The following GRM7 variants were observed in gnomAD, a reference collection of about 807,000 sequenced individuals.
GRM7 encodes metabotropic glutamate receptor 7.
Under a neutral mutation model 84.5 loss-of-function variants are expected in GRM7, and 35 were observed. The ratio of observed to expected loss-of-function variants is 0.41; its 90% confidence interval spans 0.32 to 0.55. GRM7 has a LOEUF of 0.55. Among genes scored for constraint, GRM7 ranks in the 20% least tolerant of loss-of-function variants. The probability of loss-of-function intolerance (pLI) is 0.19; values close to 1 mark genes in which losing one functional copy is unlikely to be tolerated. For synonymous variants in GRM7, 487 were observed against 455.1 expected (o/e 1.07, Z -0.89); for missense variants, 1,003 against 1,194.6 (o/e 0.84, Z 2.36).
At chr3:7,673,752 C>T (rs1700024237) in intron 8 of GRM7, among the ~76,000 whole-genome samples, 1 of 152,178 alleles carries the variant, frequency 6.6e-6, no homozygotes, top group South Asian at 2.1e-4. Context: ...TGTGAGTGTG[C>T]ATTTTGTGTA....
At chr3:7,192,583 A>C (rs1179970011) in intron 2 of GRM7, among the ~76,000 whole-genome samples, 1 of 152,136 alleles carries the variant, frequency 6.6e-6, no homozygotes, top group South Asian at 2.1e-4. Flanking sequence ...CTGAGGAAGA[A>C]GTTGTGCCTA....
In GRM7 at chr3:6,862,541, T is replaced by G. The variant is rs1405279459; in HGVS notation, c.519+634T>G. ...GGACCTTCCTCAGGTGGAGAGATGC[T>G]GCCCGCAGACGTGACCCCCGGTTGG... On this transcript the variant is annotated intron_variant, in intron 1 of 9. Coordinates refer to ENST00000357716, the MANE Select transcript of GRM7 (RefSeq NM_000844.4). This position sits in a 1 kb window ranked among gnomAD's most constrained non-coding sequence, Gnocchi z 5.2. Among the ~76,000 whole-genome samples the G allele has an allele frequency of 6.6e-6, 1 of 152,188 alleles. No homozygotes were observed. Among genetic ancestry groups the G allele is most frequent in the East Asian group, 1.9e-4 (1 of 5,164 alleles).
intron 1 of GRM7, among the ~76,000 whole-genome samples, chr3:7,132,292 T>C (rs995255287): frequency 1.3e-5 from 2 of 152,204 alleles, no homozygotes; most frequent in Non-Finnish European, 2.9e-5. Context: ...TTATATTCCT[T>C]ACTTGGTATG....
intron 4 of GRM7, among the ~76,000 whole-genome samples, chr3:7,406,649 T>C (rs2125167125): frequency 6.6e-6 from 1 of 152,336 alleles, no homozygotes; most frequent in African/African-American, 2.4e-5. Context: ...ATGGGGCATT[T>C]TAAATCAAAG....
rs375850002 is a variant in GRM7 at position 7,705,842 on chromosome 3, T to A, written c.2698+25547T>A. 8.5e-4 allele frequency among the ~76,000 whole-genome samples: 129 copies of A among 152,266 alleles called. No individual in the cohort carries two copies. The South Asian group carries it at 0.025, about 30-fold the overall frequency. ...TTATTCTAAGAGCATTGGGAGGACA[T>A]TTAAGAGTTTTAATCACAGAAGGTA... On this transcript the variant is annotated intron_variant, in intron 9 of 9. Transcript: ENST00000357716.
intron 7 of GRM7, among the ~76,000 whole-genome samples, chr3:7,485,797 G>A (rs1247603820): frequency 6.6e-6 from 1 of 152,162 alleles, no homozygotes; most frequent in Non-Finnish European, 1.5e-5. Context: ...CAAACCAAGA[G>A]AATCGCTGAT....
At chr3:6,997,627 C>A (rs1300106685) in intron 1 of GRM7, among the ~76,000 whole-genome samples, 1 of 152,158 alleles carries the variant, frequency 6.6e-6, no homozygotes, top group Non-Finnish European at 1.5e-5. Flanking sequence ...AACTACAATT[C>A]AAGATGAGAG....
At chr3:6,926,677 C>G (rs570291972) in intron 1 of GRM7, among the ~76,000 whole-genome samples, 1 of 152,174 alleles carries the variant, frequency 6.6e-6, no homozygotes, top group African/African-American at 2.4e-5. Context: ...TTAGCTTGGC[C>G]TGTTTCTTGC....
chr3:6,953,492 A>G (rs969080893), intron 1 of GRM7, among the ~76,000 whole-genome samples: 2 of 152,158 alleles, frequency 1.3e-5, no homozygotes, highest in African/African-American at 4.8e-5. Context: ...TCTAAAATAT[A>G]TGCTTCATTT....
At chr3:6,934,571 G>A (rs1216104239) in intron 1 of GRM7, among the ~76,000 whole-genome samples, 1 of 152,140 alleles carries the variant, frequency 6.6e-6, no homozygotes, top group Non-Finnish European at 1.5e-5. Context: ...ATCTATAGGA[G>A]GGTATAACTG....
At chr3:7,200,037 G>A (rs77297270) in intron 2 of GRM7, among the ~76,000 whole-genome samples, 1,603 of 152,298 alleles carry the variant, frequency 0.011, 27 homozygotes, top group African/African-American at 0.037. Flanking sequence ...CACATGCTGG[G>A]TCATAACATG....
intron 1 of GRM7, among the ~76,000 whole-genome samples, chr3:7,076,494 C>T (rs960548347): frequency 3.9e-5 from 6 of 152,146 alleles, no homozygotes; most frequent in Non-Finnish European, 8.8e-5. Context: ...ATGTAAGATG[C>T]ACTTGCTTCC....
chr3:7,490,984 TA>T (rs1575411805), intron 7 of GRM7, among the ~76,000 whole-genome samples: 1 of 151,972 alleles, frequency 6.6e-6, no homozygotes, highest in East Asian at 1.9e-4. Context: ...TGAAAATAAT[TA>T]AAATATTTTA....
At chr3:7,554,386 T>C (rs888204427) in intron 7 of GRM7, among the ~76,000 whole-genome samples, 2 of 152,186 alleles carry the variant, frequency 1.3e-5, no homozygotes, top group Admixed American at 6.5e-5. Context: ...CAGGCTGGAC[T>C]CTTGCTAGTC....
At chr3:7,620,064 C>T (rs1697284024) in intron 8 of GRM7, among the ~76,000 whole-genome samples, 1 of 152,040 alleles carries the variant, frequency 6.6e-6, no homozygotes, top group Admixed American at 6.6e-5. Context: ...TGCCTGGCCT[C>T]TGGGGAACGC....
chr3:7,670,923 G>A (rs535387538), intron 8 of GRM7, among the ~76,000 whole-genome samples: 23 of 152,224 alleles, frequency 1.5e-4, no homozygotes, highest in South Asian at 4.1e-4. Context: ...GGCAGGAGTC[G>A]TCTCTCCAGG....
chr3:7,637,308 T>C (rs7651630), intron 8 of GRM7, among the ~76,000 whole-genome samples: 27,168 of 152,168 alleles, frequency 0.18, 2,600 homozygotes, highest in African/African-American at 0.21. Context: ...CATGCTCACT[T>C]TAAACAGCAT....
chr3:6,997,802 A>G (rs1265967151), intron 1 of GRM7, among the ~76,000 whole-genome samples: 1 of 152,096 alleles, frequency 6.6e-6, no homozygotes, highest in Non-Finnish European at 1.5e-5. Flanking sequence ...ATCTCTGACA[A>G]GGCAAGTTCT....
intron 2 of GRM7, among the ~76,000 whole-genome samples, chr3:7,243,748 A>G (rs147708720): frequency 1.3e-5 from 2 of 152,262 alleles, no homozygotes; most frequent in African/African-American, 4.8e-5. Context: ...TCATTGTGTG[A>G]GCATCATACT....
Sources: gnomAD v4.1 joint callset for allele counts (sites outside exome capture counted in the v4.1 genomes callset) on GRCh38, gnomAD v4.1.1 for gene constraint, Gnocchi (gnomAD v3.1) non-coding constraint, MANE v1.5 for transcripts, NCBI Gene and HGNC (gene_info 2026-07-23, HGNC 2026-07-21) for gene names.